RIPOR3: variants seen among roughly 807,000 people sequenced by gnomAD.
RIPOR3 encodes family with sequence similarity 65 member C.
In RIPOR3, 95 loss-of-function variants were observed where a neutral mutation model predicts 114.3. That is an observed-to-expected ratio of 0.83 (90% confidence interval 0.70 to 0.99). The LOEUF (loss-of-function observed/expected upper bound fraction) is 0.99. RIPOR3 is among the 50% of genes least tolerant of loss of function. The pLI is 0.00. For synonymous variants in RIPOR3, 575 were observed against 543.8 expected (o/e 1.06, Z -0.80); for missense variants, 1,252 against 1,266.9 (o/e 0.99, Z 0.18).
At chr20:50,689,685 T>C (rs2087143181) in intron 1 of RIPOR3, among the ~76,000 whole-genome samples, 1 of 151,830 alleles carries the variant, frequency 6.6e-6, no homozygotes, top group Non-Finnish European at 1.5e-5. Flanking sequence ...AAATCCAGGG[T>C]GGAACTGGGT....
At chr20:50,607,853 G>A (rs1378671347) in intron 11 of RIPOR3, among the ~76,000 whole-genome samples, 1 of 152,180 alleles carries the variant, frequency 6.6e-6, no homozygotes, top group East Asian at 1.9e-4. Context: ...TCTGCGCTGA[G>A]GAGGAGGAAA....
At chr20:50,624,162 A>G (rs74274279) in intron 2 of RIPOR3, among the ~76,000 whole-genome samples, 5,569 of 152,242 alleles carry the variant, frequency 0.037, 149 homozygotes, top group African/African-American at 0.076. Context: ...ATGTTAAGTG[A>G]TGCTTTCCAA....
chr20:50,637,554 T>C (rs1409405569), intron 1 of RIPOR3, among the ~76,000 whole-genome samples: 1 of 152,156 alleles, frequency 6.6e-6, no homozygotes, highest in African/African-American at 2.4e-5. Flanking sequence ...AGGGGGTTTT[T>C]CTGTCTTTTT....
chr20:50,608,762 C>A (rs931491159), intron 9 of RIPOR3, 24 bp from the exon 10 acceptor site: 2 of 1,613,206 alleles, frequency 1.2e-6, no homozygotes, highest in Admixed American at 1.7e-5. Context: ...CGAGAGGGGC[C>A]GCGTCAGCCC....
chr20:50,677,142 A>T (rs1200673565), intron 1 of RIPOR3, among the ~76,000 whole-genome samples: 1 of 152,084 alleles, frequency 6.6e-6, no homozygotes, highest in African/African-American at 2.4e-5. Context: ...CTCAGTTCTG[A>T]GGGTGGATGA....
intron 4 of RIPOR3, among the ~76,000 whole-genome samples, chr20:50,615,108 A>AGTGTGCGT (rs1555848703): frequency 7.2e-6 from 1 of 138,414 alleles, no homozygotes; most frequent in Non-Finnish European, 1.5e-5. Flanking sequence ...GCTATTTGTG[A>AGTGTGCGT]GTGTGTGTGT....
chr20:50,640,257 C>A (rs1312087775), intron 1 of RIPOR3, among the ~76,000 whole-genome samples: 1 of 151,984 alleles, frequency 6.6e-6, no homozygotes, highest in Non-Finnish European at 1.5e-5. Flanking sequence ...AGGATGTGCA[C>A]AAAGCCTGTA....
Position 50,608,461 on chromosome 20 carries a change from G to A in RIPOR3, c.884C>T (p.Thr295Met), listed in dbSNP as rs772642215. The change falls in exon 11 of 22, where the codon ACG (threonine) becomes ATG (methionine). Residue 295 changes from threonine to methionine, a missense_variant. Coordinates refer to ENST00000327979, the MANE Select transcript of RIPOR3 (RefSeq NM_001290268.2). The part of the protein sequence containing the change: ...VTCDIADFFT[T>M]RPQVIVVDIT... ...GTCCACCACGATGACCTGCGGCCGCGTCGTGAAGAAGTCGGCGATGTCACA... is the reference window on the plus strand; with the variant it reads ...GTCCACCACGATGACCTGCGGCCGCATCGTGAAGAAGTCGGCGATGTCACA... 8.9e-5 allele frequency: 143 copies of A among 1,613,870 alleles called. No individual in the cohort carries two copies. The highest frequency in any genetic ancestry group is 6.5e-4 in the East Asian group (29 of 44,876).
At chr20:50,671,472 C>T (rs928470283) in intron 1 of RIPOR3, among the ~76,000 whole-genome samples, 1 of 152,042 alleles carries the variant, frequency 6.6e-6, no homozygotes, top group African/African-American at 2.4e-5. Context: ...AACTTCTTGG[C>T]TTTCTTGCTT....
At chr20:50,675,721 G>T (rs901255073) in intron 1 of RIPOR3, among the ~76,000 whole-genome samples, 1 of 152,216 alleles carries the variant, frequency 6.6e-6, no homozygotes, top group Non-Finnish European at 1.5e-5. Flanking sequence ...CTGTTGACCA[G>T]ACCATCCCTG....
At chr20:50,610,552 T>A (rs1013095058) in intron 6 of RIPOR3, among the ~76,000 whole-genome samples, 1 of 152,158 alleles carries the variant, frequency 6.6e-6, no homozygotes, top group African/African-American at 2.4e-5. Flanking sequence ...GGGCTCAACC[T>A]TCCCAGCCAT....
At chr20:50,626,704 G>T (rs1284850445) in intron 2 of RIPOR3, among the ~76,000 whole-genome samples, 1 of 152,236 alleles carries the variant, frequency 6.6e-6, no homozygotes, top group Admixed American at 6.5e-5. Context: ...AAATAAAAAT[G>T]CAAGGCTCTT....
At chr20:50,666,192 C>CTTTTG (rs1317774578) in intron 1 of RIPOR3, among the ~76,000 whole-genome samples, 1 of 26,710 alleles carries the variant, frequency 3.7e-5, no homozygotes, top group Non-Finnish European at 1.4e-4. Flanking sequence ...CATTTCTTTT[C>CTTTTG]TTTTCTTTTC....
intron 19 of RIPOR3, among the ~76,000 whole-genome samples, chr20:50,590,826 T>C (rs1328875101): frequency 1.3e-5 from 2 of 151,682 alleles, no homozygotes; most frequent in African/African-American, 4.8e-5. Context: ...TTTTTTTTTT[T>C]TTTTTTGAGA....
chr20:50,592,586 G>A, intron 18 of RIPOR3, 40 bp from the exon 19 acceptor site: 1 of 1,427,526 alleles, frequency 7.0e-7, no homozygotes, highest in African/African-American at 1.4e-5. Context: ...TCCCCTGAAT[G>A]GGAGTTTGGC....
intron 1 of RIPOR3, among the ~76,000 whole-genome samples, chr20:50,633,971 C>CT (rs1256895306): frequency 5.2e-5 from 7 of 133,454 alleles, no homozygotes; most frequent in African/African-American, 2.3e-4. Flanking sequence ...TTCCTTCTTT[C>CT]TTTCTTTTCT....
rs768978186 is a variant in RIPOR3 at position 50,608,632 on chromosome 20, T to C, written c.791A>G (p.His264Arg). 1.2e-6 allele frequency: 2 copies of C among 1,614,032 alleles called. No homozygotes were observed. The highest frequency in any genetic ancestry group is 1.7e-5 in the Admixed American group (1 of 60,020). ...EEEKAFIPTL[H>R]ENLDIKVTEL... ...CCCCACCTTGATGTCCAGGTTCTCA[T>C]GCAGCGTGGGGATGAAGGCCTTCTC... Residue 264 changes from histidine to arginine, a missense_variant, in exon 10 of 22, where the codon CAT becomes CGT. By Grantham distance (29) the His-to-Arg change is conservative. Transcript: ENST00000327979.
intron 1 of RIPOR3, among the ~76,000 whole-genome samples, chr20:50,662,505 C>T (rs980087041): frequency 6.6e-6 from 1 of 152,232 alleles, no homozygotes; most frequent in Non-Finnish European, 1.5e-5. Context: ...TGACTGCTGT[C>T]ATCCCTCCCA....
At chr20:50,650,242 G>A (rs1192694594) in intron 1 of RIPOR3, among the ~76,000 whole-genome samples, 3 of 152,070 alleles carry the variant, frequency 2.0e-5, no homozygotes, top group Non-Finnish European at 4.4e-5. Context: ...CTCCACCCTC[G>A]AGATCTATTC....
Sources: allele counts gnomAD v4.1 joint callset (sites outside exome capture counted in the v4.1 genomes callset), GRCh38; gene constraint gnomAD v4.1.1; transcripts MANE v1.5; gene names NCBI Gene and HGNC (gene_info 2026-07-23, HGNC 2026-07-21).